The following SRGAP3 variants were observed in gnomAD, a reference collection of about 807,000 sequenced individuals.
The protein encoded by SRGAP3 is SLIT-ROBO Rho GTPase activating protein 3.
SRGAP3 carries 39 observed loss-of-function variants against 121.1 expected under a neutral mutation model. The ratio of observed to expected loss-of-function variants is 0.32; its 90% CI spans 0.25 to 0.42. SRGAP3 has a LOEUF of 0.42. SRGAP3 is among the 10% of genes least tolerant of loss of function. The probability of loss-of-function intolerance (pLI) is 1.00; values close to 1 mark genes in which losing one functional copy is unlikely to be tolerated. For synonymous variants in SRGAP3, 601 were observed against 570.0 expected, an observed-to-expected ratio of 1.05 and a Z score of -0.77; for missense variants, 1,213 against 1,470.6, an observed-to-expected ratio of 0.82 and a Z score of 2.86.
chr3:9,070,628 T>C (rs1946660630), intron 4 of SRGAP3, among the ~76,000 whole-genome samples: 1 of 151,614 alleles, frequency 6.6e-6, no homozygotes, highest in Admixed American at 6.6e-5. Context: ...GGTGGGTGGA[T>C]AAATGCAGGG....
chr3:8,993,804 G>A (rs144902843), intron 19 of SRGAP3, among the ~76,000 whole-genome samples: 1 of 152,240 alleles, frequency 6.6e-6, no homozygotes, highest in Non-Finnish European at 1.5e-5. Flanking sequence ...CAAGGAAGGT[G>A]TGCACTGGAA....
intron 13 of SRGAP3, among the ~76,000 whole-genome samples, chr3:9,025,734 A>T (rs1046069641): frequency 6.6e-6 from 1 of 152,200 alleles, no homozygotes; most frequent in African/African-American, 2.4e-5. Context: ...ATGTTTCTAC[A>T]AGACCTTAAC....
chr3:9,274,677 T>C lies in SRGAP3; in HGVS notation n.442+51333A>G, dbSNP rs751460869. ...GGAGGAATGAGGTTGCACAAACAAA[T>C]TGAAGGTAGTAAATGAGGGGGATTT... On this transcript the variant is annotated intron_variant and non_coding_transcript_variant, in intron 3 of 3. Transcript: ENST00000490889. Among the ~76,000 whole-genome samples, 5 of 152,060 alleles carry C rather than the reference T, an allele frequency of 3.3e-5. No homozygotes were observed. The South Asian group carries it at 8.3e-4, about 25-fold the overall frequency.
In SRGAP3 at chr3:9,167,427, TCTAC is replaced by T. The variant is rs141118113; in HGVS notation, c.68-42514_68-42511del. Among the ~76,000 whole-genome samples, 363 of 152,340 alleles carry T rather than the reference TCTAC, an allele frequency of 2.4e-3. 3 individuals are homozygous for T. The highest frequency in any genetic ancestry group is 0.011 in the Admixed American group (168 of 15,302). On this transcript the variant is annotated intron_variant, in intron 1 of 21. Transcript: ENST00000383836. Reference sequence around the variant, plus strand: ...CCAGGAGTCATTTATCTTCCTCTTCTCTACCTATGTTCCCCTGCAGCAACCCTCC... The same window carrying T: ...CCAGGAGTCATTTATCTTCCTCTTCTCTATGTTCCCCTGCAGCAACCCTCC...
intron 3 of SRGAP3, among the ~76,000 whole-genome samples, chr3:9,303,763 T>C (rs1358037102): frequency 6.6e-6 from 1 of 152,188 alleles, no homozygotes. Context: ...TGGAAGGCGA[T>C]TTACACTTGA....
At chr3:9,316,996 C>T (rs1213750618) in intron 3 of SRGAP3, among the ~76,000 whole-genome samples, 1 of 152,132 alleles carries the variant, frequency 6.6e-6, no homozygotes, top group South Asian at 2.1e-4. Context: ...TGTAGGCCAC[C>T]GTGTACTTCT....
At chr3:9,120,178 G>C (rs193208104) in intron 2 of SRGAP3, among the ~76,000 whole-genome samples, 8 of 152,342 alleles carry the variant, frequency 5.3e-5, no homozygotes, top group Admixed American at 4.6e-4. Context: ...TGTAAACCCA[G>C]GGTCTGGCAC....
At chr3:9,265,494 C>G (rs771606785) in intron 3 of SRGAP3, among the ~76,000 whole-genome samples, 3 of 151,998 alleles carry the variant, frequency 2.0e-5, no homozygotes, top group Non-Finnish European at 2.9e-5. Context: ...GGGCTAATAT[C>G]CAGAATCTAC....
At chr3:9,318,344 CCACAGGGCTCCACACAGAAAGCAGGG>C (rs1955383068) in intron 3 of SRGAP3, among the ~76,000 whole-genome samples, 1 of 151,872 alleles carries the variant, frequency 6.6e-6, no homozygotes, top group Non-Finnish European at 1.5e-5. Context: ...CCTTTCTGCT[CCACAGGGCTCCACACAGAAAGCAGGG>C]CACAGGGCCC....
At chr3:9,230,904 G>A (rs1156726633) in intron 1 of SRGAP3, among the ~76,000 whole-genome samples, 1 of 151,098 alleles carries the variant, frequency 6.6e-6, no homozygotes, top group South Asian at 2.1e-4. Context: ...GAGCAGACTC[G>A]TAGCAGGACA....
chr3:9,140,245 T>C (rs56991097), intron 1 of SRGAP3, among the ~76,000 whole-genome samples: 4,740 of 152,014 alleles, frequency 0.031, 241 homozygotes, highest in African/African-American at 0.11. Context: ...CAGCAGAGGA[T>C]TGGTTAAATA....
At chr3:9,279,325 T>C (rs960823429) in intron 3 of SRGAP3, among the ~76,000 whole-genome samples, 5 of 151,868 alleles carry the variant, frequency 3.3e-5, no homozygotes, top group African/African-American at 1.2e-4. Context: ...TGCTATTACC[T>C]GAAAAGGGGA....
intron 18 of SRGAP3, chr3:9,008,260 C>T (rs1389358679): frequency 2.0e-5 from 3 of 152,412 alleles, no homozygotes; most frequent in Non-Finnish European, 2.9e-5. Context: ...GCTGCTTCTT[C>T]GCTGACCCAG....
At chr3:9,075,311 A>G (rs1414987708) in intron 4 of SRGAP3, among the ~76,000 whole-genome samples, 3 of 152,210 alleles carry the variant, frequency 2.0e-5, no homozygotes, top group African/African-American at 7.2e-5. Flanking sequence ...TGTACATACA[A>G]GCACGTGAAT....
rs1559834113 is a variant in SRGAP3, at chr3:8,985,125, C to T, written c.*394G>A. On this transcript the variant is annotated 3_prime_UTR_variant, in exon 22 of 22. Transcript: ENST00000383836. This position sits in a 1 kb window ranked among gnomAD's most constrained non-coding sequence, Gnocchi z 5.1. Reference sequence around the variant, plus strand: ...ATATATATACACACACCTACAGACACGTACATACGTATACATGTGTATATA... The same window carrying T: ...ATATATATACACACACCTACAGACATGTACATACGTATACATGTGTATATA... 1 of 293,742 alleles carries T rather than the reference C, an allele frequency of 3.4e-6. No homozygotes were observed. The highest frequency in any genetic ancestry group is 6.3e-6 in the Non-Finnish European group (1 of 157,958). 18.2% of individuals were successfully genotyped at this position (293,742 alleles called of 1,614,324 possible). A position where few individuals can be genotyped will look rare whatever the true frequency, so the allele number is the denominator to read the frequency against.
intron 1 of SRGAP3, among the ~76,000 whole-genome samples, chr3:9,227,396 G>C (rs189161122): frequency 2.2e-3 from 330 of 152,280 alleles, no homozygotes; most frequent in African/African-American, 7.8e-3. Flanking sequence ...CACTTATTGA[G>C]TGTGGCCCAC....
intron 3 of SRGAP3, among the ~76,000 whole-genome samples, chr3:9,285,270 C>A (rs947114361): frequency 1.5e-4 from 23 of 152,082 alleles, no homozygotes; most frequent in Non-Finnish European, 1.2e-4. Context: ...GGCTGTGTAG[C>A]GAAGAGATGG....
intron 18 of SRGAP3, among the ~76,000 whole-genome samples, chr3:9,000,321 A>C (rs1416184563): frequency 6.6e-6 from 1 of 152,172 alleles, no homozygotes; most frequent in African/African-American, 2.4e-5. Context: ...ACCTTGCCCC[A>C]GCTTGTGAGG....
At chr3:9,069,681 G>A (rs983277699) in intron 4 of SRGAP3, among the ~76,000 whole-genome samples, 22 of 152,340 alleles carry the variant, frequency 1.4e-4, no homozygotes, top group Non-Finnish European at 1.0e-4. Flanking sequence ...GGGCGCGGTG[G>A]CTCATGCCTG....
Sources: gnomAD v4.1 joint callset for allele counts (sites outside exome capture counted in the v4.1 genomes callset) on GRCh38, gnomAD v4.1.1 for gene constraint, Gnocchi (gnomAD v3.1) non-coding constraint, MANE v1.5 for transcripts, NCBI Gene and HGNC (gene_info 2026-07-23, HGNC 2026-07-21) for gene names.